MDGA2: variants seen among roughly 807,000 people sequenced by gnomAD.
The protein encoded by MDGA2 is MAM domain-containing glycosylphosphatidylinositol anchor protein 2.
Under a neutral mutation model 117.8 loss-of-function variants are expected in MDGA2, and 40 were observed. The ratio of observed to expected loss-of-function variants is 0.34; its 90% CI spans 0.26 to 0.44. The LOEUF is 0.44. Among genes scored for constraint, MDGA2 ranks in the 20% least tolerant of loss-of-function variants. The pLI, the probability that MDGA2 is intolerant of heterozygous loss-of-function variation, is 1.00. For missense variants in MDGA2, 1,123 were observed against 1,250.6 expected, an observed-to-expected ratio of 0.90 and a Z score of 1.54; for synonymous variants, 452 against 439.0, an observed-to-expected ratio of 1.03 and a Z score of -0.37.
intron 1 of MDGA2, among the ~76,000 whole-genome samples, chr14:47,325,316 G>T (rs751880091): frequency 2.0e-5 from 3 of 152,000 alleles, no homozygotes; most frequent in Non-Finnish European, 4.4e-5. Context: ...CAACCATGAG[G>T]GAATAATAAC....
chr14:47,374,602 C>A (rs1345330112), intron 1 of MDGA2, among the ~76,000 whole-genome samples: 1 of 151,996 alleles, frequency 6.6e-6, no homozygotes, highest in East Asian at 1.9e-4. Context: ...ATGAAGGCAG[C>A]CACTAACATT....
intron 8 of MDGA2, among the ~76,000 whole-genome samples, chr14:46,999,283 A>C (rs1197912900): frequency 6.7e-6 from 1 of 150,304 alleles, no homozygotes; most frequent in Non-Finnish European, 1.5e-5. Flanking sequence ...TAAGGTAATA[A>C]ATTTAAAAAA....
chr14:47,252,405 T>A (rs941388303), intron 2 of MDGA2, among the ~76,000 whole-genome samples: 1 of 152,130 alleles, frequency 6.6e-6, no homozygotes, highest in African/African-American at 2.4e-5. Flanking sequence ...ACAAGTCCCT[T>A]CTCAAAAAGA....
At chr14:47,442,135 T>C (rs1031471485) in intron 1 of MDGA2, among the ~76,000 whole-genome samples, 4 of 152,174 alleles carry the variant, frequency 2.6e-5, no homozygotes, top group African/African-American at 9.6e-5. Flanking sequence ...AACAATATAA[T>C]TGATAATAGA....
intron 1 of MDGA2, among the ~76,000 whole-genome samples, chr14:47,592,050 A>G (rs539274373): frequency 1.3e-5 from 2 of 152,142 alleles, no homozygotes; most frequent in African/African-American, 4.8e-5. Flanking sequence ...AAATCTAAGG[A>G]AAAAAAATCG....
intron 1 of MDGA2, among the ~76,000 whole-genome samples, chr14:47,331,677 C>T (rs1815637): frequency 0.97 from 147,136 of 151,976 alleles, 71,398 homozygotes; most frequent in South Asian, 1. Context: ...TGCTTCCAAA[C>T]TAGCCTATCA....
chr14:47,573,310 T>C (rs1437345081), intron 1 of MDGA2, among the ~76,000 whole-genome samples: 1 of 152,194 alleles, frequency 6.6e-6, no homozygotes, highest in Non-Finnish European at 1.5e-5. Context: ...GAACTGTTGG[T>C]TAGAGAATCC....
At position 47,427,659 on chromosome 14, in the gene MDGA2, C is replaced by CA. The variant is rs1218245704; in HGVS notation, c.281-126110dup. Among the ~76,000 whole-genome samples, 116 of 151,740 alleles carry CA rather than the reference C, an allele frequency of 7.6e-4. 1 individual carries two copies. The highest frequency in any genetic ancestry group is 1.5e-3 in the Non-Finnish European group (99 of 67,874). On this transcript the variant is annotated intron_variant, in intron 1 of 16. Transcript: ENST00000399232. ...GTGTGGTGGGAGACAGAGACAGGGTCAAAAAAGAAGAACCACTTTTCTCTT... is the reference window on the plus strand; with the variant it reads ...GTGTGGTGGGAGACAGAGACAGGGTCAAAAAAAGAAGAACCACTTTTCTCTT...
chr14:47,233,111 A>C (rs1886745637), intron 2 of MDGA2, among the ~76,000 whole-genome samples: 1 of 152,162 alleles, frequency 6.6e-6, no homozygotes, highest in Non-Finnish European at 1.5e-5. Flanking sequence ...TAACTTTATA[A>C]AGTTTAAAAC....
intron 1 of MDGA2, among the ~76,000 whole-genome samples, chr14:47,480,793 G>A (rs1350181720): frequency 1.3e-5 from 2 of 151,802 alleles, no homozygotes; most frequent in Admixed American, 6.6e-5. Context: ...GAATCTCTAT[G>A]AAGAATGAGA....
At chr14:47,155,243 C>T (rs1883320005) in intron 3 of MDGA2, among the ~76,000 whole-genome samples, 1 of 152,124 alleles carries the variant, frequency 6.6e-6, no homozygotes, top group Non-Finnish European at 1.5e-5. Flanking sequence ...CCTTGTACCT[C>T]ATGCTCACTG....
chr14:47,286,968 C>A (rs1387529136), intron 2 of MDGA2, among the ~76,000 whole-genome samples: 1 of 151,358 alleles, frequency 6.6e-6, no homozygotes, highest in Non-Finnish European at 1.5e-5. Flanking sequence ...TATAATTCTA[C>A]GATAATCATT....
intron 1 of MDGA2, among the ~76,000 whole-genome samples, chr14:47,652,989 T>C (rs1897672688): frequency 6.6e-6 from 1 of 152,146 alleles, no homozygotes. Flanking sequence ...TGAAGCACTG[T>C]CTGACAAACT....
intron 7 of MDGA2, among the ~76,000 whole-genome samples, chr14:47,055,528 T>A (rs1368115061): frequency 6.6e-6 from 1 of 152,158 alleles, no homozygotes; most frequent in Non-Finnish European, 1.5e-5. Flanking sequence ...TGCTAGATTA[T>A]ATCTGTTAAT....
In MDGA2 at chr14:47,335,747, T is replaced by TATATATATATATATATACAC. The variant is rs1055245438; in HGVS notation, c.281-34198_281-34197insGTGTATATATATATATATAT. Reference sequence around the variant, plus strand: ...CACACATATATTTTATATATATATATACATACATACATACAGGATCACTCT... The same window carrying TATATATATATATATATACAC: ...CACACATATATTTTATATATATATATATATATATATATATATACACACATACATACATACAGGATCACTCT... On this transcript the variant is annotated intron_variant, in intron 1 of 16. Coordinates refer to ENST00000399232, the MANE Select transcript of MDGA2 (RefSeq NM_001113498.3). Among the ~76,000 whole-genome samples the TATATATATATATATATACAC allele has an allele frequency of 1.9e-4, 13 of 68,648 alleles. 1 individual carries two copies. The highest frequency in any genetic ancestry group is 1.3e-3 in the East Asian group (3 of 2,354). 45.0% of individuals were successfully genotyped at this position (68,648 alleles called of 152,430 possible).
chr14:47,107,082 A>T (rs917168995), intron 5 of MDGA2, among the ~76,000 whole-genome samples: 9 of 133,228 alleles, frequency 6.8e-5, no homozygotes, highest in African/African-American at 2.7e-4. Context: ...ACCCACAAGT[A>T]TAAGACACCT....
intron 1 of MDGA2, among the ~76,000 whole-genome samples, chr14:47,486,438 T>G (rs1894063121): frequency 6.6e-6 from 1 of 152,190 alleles, no homozygotes; most frequent in African/African-American, 2.4e-5. Flanking sequence ...TTGTCTTCTC[T>G]TGGATAAGAC....
At chr14:47,010,523 ATTAT>A (rs1007560997) in intron 8 of MDGA2, among the ~76,000 whole-genome samples, 7 of 151,940 alleles carry the variant, frequency 4.6e-5, no homozygotes, top group African/African-American at 9.7e-5. Context: ...TATAAAACTG[ATTAT>A]TTAAATTCAT....
At chr14:47,130,676 TA>T (rs1288353650) in intron 5 of MDGA2, among the ~76,000 whole-genome samples, 2 of 152,158 alleles carry the variant, frequency 1.3e-5, no homozygotes, top group Non-Finnish European at 2.9e-5. Flanking sequence ...TCACATGCTT[TA>T]TACGTATCCA....
Sources: allele counts gnomAD v4.1 joint callset (sites outside exome capture counted in the v4.1 genomes callset), GRCh38; gene constraint gnomAD v4.1.1; transcripts MANE v1.5; gene names NCBI Gene and HGNC (gene_info 2026-07-23, HGNC 2026-07-21).